The following PTPRT variants were observed in gnomAD, a reference collection of about 807,000 sequenced individuals.
PTPRT encodes protein tyrosine phosphatase receptor type T.
Under a neutral mutation model 176.8 loss-of-function variants are expected in PTPRT, and 56 were observed. The ratio of observed to expected loss-of-function variants is 0.32; its 90% CI spans 0.26 to 0.40. The LOEUF (loss-of-function observed/expected upper bound fraction) is 0.40, where lower values mean the gene tolerates loss of function less well. PTPRT is among the 10% of genes least tolerant of loss of function. The probability of loss-of-function intolerance (pLI) is 1.00; values close to 1 mark genes in which losing one functional copy is unlikely to be tolerated. For missense variants in PTPRT, 1,540 were observed against 1,908.2 expected (o/e 0.81, Z 3.60); for synonymous variants, 783 against 739.0 (o/e 1.06, Z -0.96).
At chr20:42,605,725 G>A (rs186372446) in intron 7 of PTPRT, among the ~76,000 whole-genome samples, 18 of 152,288 alleles carry the variant, frequency 1.2e-4, no homozygotes, top group Non-Finnish European at 1.8e-4. Flanking sequence ...GCTGTGGGGA[G>A]GAATGTGGAT....
At chr20:42,319,262 C>CTTTT (rs11483379) in intron 11 of PTPRT, among the ~76,000 whole-genome samples, 1 of 142,636 alleles carries the variant, frequency 7.0e-6, no homozygotes, top group Non-Finnish European at 1.5e-5. Context: ...AGTATCCTTC[C>CTTTT]TTTTTTTTTT....
chr20:43,083,365 T>TATATATATATATAC (rs2011516828), intron 1 of PTPRT, among the ~76,000 whole-genome samples: 1 of 98,324 alleles, frequency 1.0e-5, no homozygotes, highest in African/African-American at 4.2e-5. Flanking sequence ...TATATATATA[T>TATATATATATATAC]ATATACATTT....
chr20:42,360,310 T>C (rs1207682651), intron 9 of PTPRT, among the ~76,000 whole-genome samples: 3 of 152,132 alleles, frequency 2.0e-5, no homozygotes, highest in Admixed American at 6.5e-5. Context: ...CTTCCCAGAC[T>C]CATTGCCTTC....
chr20:42,213,511 ATGT>A (rs1455005723), intron 15 of PTPRT, among the ~76,000 whole-genome samples: 1 of 152,222 alleles, frequency 6.6e-6, no homozygotes, highest in Non-Finnish European at 1.5e-5. Flanking sequence ...CGCAAAAGAT[ATGT>A]TGAAGTCCTA....
intron 7 of PTPRT, among the ~76,000 whole-genome samples, chr20:42,641,576 T>C (rs995055990): frequency 5.3e-5 from 8 of 151,982 alleles, no homozygotes; most frequent in Non-Finnish European, 1.2e-4. Context: ...TCTAAGTCTG[T>C]GATCCACACA....
intron 9 of PTPRT, among the ~76,000 whole-genome samples, chr20:42,395,141 C>T (rs951683253): frequency 2.0e-5 from 3 of 152,154 alleles, no homozygotes; most frequent in Non-Finnish European, 4.4e-5. Context: ...ATTTCAGTCT[C>T]ATTTTCAGAC....
At chr20:42,407,153 T>C (rs1420801663) in intron 9 of PTPRT, among the ~76,000 whole-genome samples, 1 of 152,158 alleles carries the variant, frequency 6.6e-6, no homozygotes, top group Admixed American at 6.5e-5. Context: ...AAATATTTTC[T>C]GGGAGCCCTA....
intron 3 of PTPRT, among the ~76,000 whole-genome samples, chr20:42,790,287 C>G (rs2077354236): frequency 6.6e-6 from 1 of 151,922 alleles, no homozygotes; most frequent in South Asian, 2.1e-4. Context: ...AAATGTTCCT[C>G]TAAGCATGCT....
At chr20:42,394,900 T>G (rs957849281) in intron 9 of PTPRT, among the ~76,000 whole-genome samples, 4 of 152,336 alleles carry the variant, frequency 2.6e-5, no homozygotes, top group Admixed American at 2.0e-4. Flanking sequence ...GTGATATAAA[T>G]GTAATATACA....
chr20:42,690,254 C>G (rs893434360), intron 6 of PTPRT, among the ~76,000 whole-genome samples: 1 of 152,074 alleles, frequency 6.6e-6, no homozygotes, highest in South Asian at 2.1e-4. Context: ...GCTGTGTAAG[C>G]AGTGGTGTCA....
chr20:43,018,455 G>C (rs1429385651), intron 1 of PTPRT, among the ~76,000 whole-genome samples: 1 of 152,204 alleles, frequency 6.6e-6, no homozygotes, highest in African/African-American at 2.4e-5. Context: ...AGGATGAAAA[G>C]ACTATTTTGA....
chr20:42,090,016 G>A (rs1337854858), intron 27 of PTPRT, among the ~76,000 whole-genome samples: 1 of 152,154 alleles, frequency 6.6e-6, no homozygotes, highest in Non-Finnish European at 1.5e-5. Context: ...ATGCATTGGG[G>A]TTTCTTCTTG....
intron 6 of PTPRT, among the ~76,000 whole-genome samples, chr20:42,692,313 C>A (rs1043091650): frequency 6.6e-6 from 1 of 152,108 alleles, no homozygotes; most frequent in Non-Finnish European, 1.5e-5. Context: ...TATTACCAAG[C>A]CAATCCTGTG....
At chr20:42,613,232 C>T (rs1427957429) in intron 7 of PTPRT, among the ~76,000 whole-genome samples, 1 of 152,200 alleles carries the variant, frequency 6.6e-6, no homozygotes, top group Non-Finnish European at 1.5e-5. Context: ...AGCACTTTTT[C>T]ATTCACACCA....
chr20:42,106,974 T>G (rs1986512171), intron 23 of PTPRT, 53 bp from the exon 24 acceptor site: 1 of 1,590,822 alleles, frequency 6.3e-7, no homozygotes, highest in Non-Finnish European at 8.6e-7. Flanking sequence ...GAACCTGCCC[T>G]GGGGAGGCCC....
At chr20:42,068,759 T>C (rs1189248628), downstream of PTPRT, among the ~76,000 whole-genome samples, 2 of 152,344 alleles carry the variant, frequency 1.3e-5, no homozygotes, top group East Asian at 3.9e-4. Context: ...ACACAATAGC[T>C]TGGCCGCCAG....
At chr20:42,380,896 C>T (rs1344985677) in intron 9 of PTPRT, among the ~76,000 whole-genome samples, 1 of 152,102 alleles carries the variant, frequency 6.6e-6, no homozygotes, top group Non-Finnish European at 1.5e-5. Context: ...GCAGGCTGTA[C>T]AGGAAGCATG....
intron 17 of PTPRT, among the ~76,000 whole-genome samples, chr20:42,159,769 C>A (rs926958390): frequency 6.6e-6 from 1 of 152,138 alleles, no homozygotes; most frequent in Non-Finnish European, 1.5e-5. Flanking sequence ...ATATGTCAAA[C>A]ATGCCCCTTG....
At chr20:42,069,103 T>G (rs1046235103), downstream of PTPRT, among the ~76,000 whole-genome samples, 9 of 152,228 alleles carry the variant, frequency 5.9e-5, no homozygotes, top group South Asian at 2.1e-4. Context: ...GAGAGAAAAC[T>G]TGTTTATATA....
Sources: gnomAD v4.1 joint callset for allele counts (sites outside exome capture counted in the v4.1 genomes callset) on GRCh38, gnomAD v4.1.1 for gene constraint, MANE v1.5 for transcripts, NCBI Gene and HGNC (gene_info 2026-07-23, HGNC 2026-07-21) for gene names.